The following AK8 variants were observed in gnomAD, a reference collection of about 807,000 sequenced individuals.
AK8 encodes the protein adenylate kinase 8.
AK8 carries 44 observed loss-of-function variants against 54.6 expected under a neutral mutation model. The ratio of observed to expected loss-of-function variants is 0.81; its 90% CI spans 0.63 to 1.04. The LOEUF (loss-of-function observed/expected upper bound fraction) is 1.04, where lower values mean the gene tolerates loss of function less well. Ranked by LOEUF, AK8 falls within the 50% of genes least tolerant of loss-of-function variation. AK8 has a pLI of 0.00. For synonymous variants in AK8, 239 were observed against 245.6 expected (o/e 0.97, Z 0.25); for missense variants, 555 against 613.6 (o/e 0.90, Z 1.01).
intron 7 of AK8, 78 bp from the exon 8 acceptor site, chr9:132,827,132 T>C (rs1300184527): frequency 3.4e-6 from 5 of 1,489,708 alleles, no homozygotes; most frequent in Admixed American, 1.7e-5. Context: ...CTGGGGTGCT[T>C]GCTGTCCTGG....
chr9:132,830,528 T>A (rs2131313771), intron 5 of AK8, among the ~76,000 whole-genome samples: 1 of 152,210 alleles, frequency 6.6e-6, no homozygotes, highest in Admixed American at 6.5e-5. Flanking sequence ...CAGTATTTTT[T>A]CCATATGTTT....
intron 11 of AK8, among the ~76,000 whole-genome samples, chr9:132,763,048 C>T (rs2131060227): frequency 6.6e-6 from 1 of 152,302 alleles, no homozygotes; most frequent in Admixed American, 6.5e-5. Flanking sequence ...CCACTGGGGT[C>T]CTCACAGGCC....
chr9:132,794,955 G>C (rs778379151), intron 10 of AK8, among the ~76,000 whole-genome samples: 2 of 152,230 alleles, frequency 1.3e-5, no homozygotes, highest in Admixed American at 6.5e-5. Flanking sequence ...GCACACAGCC[G>C]ACACTCAAAG....
At chr9:132,788,770 G>A (rs1419031715) in intron 11 of AK8, among the ~76,000 whole-genome samples, 1 of 152,152 alleles carries the variant, frequency 6.6e-6, no homozygotes, top group Admixed American at 6.5e-5. Context: ...CAAAAAAACA[G>A]TTACTGCCTG....
At chr9:132,870,340 G>T (rs182733677) in intron 2 of AK8, among the ~76,000 whole-genome samples, 19 of 152,284 alleles carry the variant, frequency 1.2e-4, no homozygotes, top group Admixed American at 1.1e-3. Context: ...TGTCATAAAA[G>T]GCTGCTGGAC....
At chr9:132,794,015 T>C (rs924772039) in intron 10 of AK8, among the ~76,000 whole-genome samples, 18 of 152,110 alleles carry the variant, frequency 1.2e-4, no homozygotes, top group Non-Finnish European at 2.9e-5. Context: ...AAGCAAGAGA[T>C]GCAGAAAAAT....
intron 5 of AK8, among the ~76,000 whole-genome samples, chr9:132,835,542 C>T (rs545026460): frequency 6.6e-6 from 1 of 152,324 alleles, no homozygotes; most frequent in East Asian, 1.9e-4. Context: ...CTTGTAACGG[C>T]GGAAAGCAGT....
intron 10 of AK8, among the ~76,000 whole-genome samples, chr9:132,808,441 T>C (rs1385380055): frequency 6.6e-6 from 1 of 152,150 alleles, no homozygotes; most frequent in Non-Finnish European, 1.5e-5. Context: ...GAAGATGCGC[T>C]AAGATGGGGC....
At chr9:132,748,868 TTG>T in intron 11 of AK8, among the ~76,000 whole-genome samples, 1 of 151,848 alleles carries the variant, frequency 6.6e-6, no homozygotes, top group Non-Finnish European at 1.5e-5. Context: ...AGTGGCTAAG[TTG>T]TGTTTGTTTG....
intron 11 of AK8, among the ~76,000 whole-genome samples, chr9:132,735,640 G>A (rs1435962813): frequency 6.6e-6 from 1 of 152,194 alleles, no homozygotes; most frequent in Admixed American, 6.5e-5. Context: ...ATAGCATGGT[G>A]CACCTCCTGT....
Position 132,741,500 on chromosome 9 carries a change from C to T in AK8, c.1122-13966G>A, listed in dbSNP as rs74466737. Among the ~76,000 whole-genome samples the T allele has an allele frequency of 4.5e-4, 69 of 152,338 alleles. 1 individual carries two copies. The East Asian group carries it at 0.012, about 27-fold the overall frequency. On this transcript the variant is annotated intron_variant, in intron 11 of 12. Coordinates refer to ENST00000298545, the MANE Select transcript of AK8 (RefSeq NM_152572.3). ...CCCCAAAAACAGCTGGGTTGGTGAA[C>T]ATTTCCTCCGTGTCCTGAGGTGTGG...
intron 12 of AK8, among the ~76,000 whole-genome samples, chr9:132,727,089 T>C (rs913292257): frequency 6.6e-6 from 1 of 152,054 alleles, no homozygotes; most frequent in Non-Finnish European, 1.5e-5. Flanking sequence ...CATGGGGATG[T>C]GTTTGTACAG....
intron 11 of AK8, among the ~76,000 whole-genome samples, chr9:132,735,945 G>C (rs565377114): frequency 6.6e-6 from 1 of 152,304 alleles, no homozygotes; most frequent in South Asian, 2.1e-4. Context: ...ATACCTAGTT[G>C]GTATAGCCTA....
At chr9:132,809,159 C>T (rs1840871330) in intron 10 of AK8, among the ~76,000 whole-genome samples, 1 of 152,154 alleles carries the variant, frequency 6.6e-6, no homozygotes, top group Non-Finnish European at 1.5e-5. Context: ...ATGCCGCTGG[C>T]ACCCAGGACA....
chr9:132,864,254 A>G (rs1285975575), intron 3 of AK8, among the ~76,000 whole-genome samples: 1 of 152,198 alleles, frequency 6.6e-6, no homozygotes, highest in African/African-American at 2.4e-5. Context: ...GGGAAGAGTA[A>G]ATTTTAAGGG....
intron 10 of AK8, among the ~76,000 whole-genome samples, chr9:132,795,699 C>T (rs1444951968): frequency 1.3e-5 from 2 of 152,044 alleles, no homozygotes; most frequent in Non-Finnish European, 2.9e-5. Context: ...ACTGCCAAGG[C>T]CCCCGGGCTC....
chr9:132,878,402 C>T, upstream of AK8: 8 of 1,241,162 alleles, frequency 6.4e-6, no homozygotes, highest in Non-Finnish European at 8.1e-6. This position sits in a 1 kb window ranked among gnomAD's most constrained non-coding sequence, Gnocchi z 4.7. Flanking sequence ...TCGCCCCCGC[C>T]CCGACCTCCC....
At chr9:132,732,275 C>T (rs1239026003) in intron 11 of AK8, among the ~76,000 whole-genome samples, 2 of 152,094 alleles carry the variant, frequency 1.3e-5, no homozygotes, top group African/African-American at 4.8e-5. Context: ...GAATTTTAGA[C>T]ATTAGGGATT....
chr9:132,740,016 C>T (rs567015995), intron 11 of AK8, among the ~76,000 whole-genome samples: 2 of 152,370 alleles, frequency 1.3e-5, no homozygotes, highest in East Asian at 1.9e-4. Flanking sequence ...TGATTTGTAG[C>T]ATTTGCCAAT....
Sources: allele counts gnomAD v4.1 joint callset (sites outside exome capture counted in the v4.1 genomes callset), GRCh38; gene constraint gnomAD v4.1.1; non-coding constraint Gnocchi (gnomAD v3.1); transcripts MANE v1.5; gene names NCBI Gene and HGNC (gene_info 2026-07-23, HGNC 2026-07-21).